The following CYBB variants were observed in gnomAD, a reference collection of about 807,000 sequenced individuals.
CYBB encodes NADPH oxidase 2.
A neutral mutation model predicts 46.5 loss-of-function variants in CYBB; 5 were observed. The ratio of observed to expected loss-of-function variants is 0.11; its 90% CI spans 0.06 to 0.23. CYBB has a LOEUF of 0.23. Among genes scored for constraint, CYBB ranks in the 10% least tolerant of loss-of-function variants. CYBB has a pLI of 1.00. For synonymous variants in CYBB, 183 were observed against 156.7 expected (o/e 1.17, Z -1.26); for missense variants, 307 against 428.3 (o/e 0.72, Z 2.50).
At chrX:37,794,159 G>T (rs782188619) in intron 5 of CYBB, among the ~76,000 whole-genome samples, 1 of 111,777 alleles carries the variant, frequency 8.9e-6, no homozygotes, top group Non-Finnish European at 1.9e-5. Flanking sequence ...ACTTGCTACA[G>T]CAAAAGAAAT....
Position 37,801,275 on chromosome X carries a change from G to A in CYBB, c.824G>A (p.Gly275Asp). Reference sequence around the variant, plus strand: ...TTACAGACTTGGAAATGGATAGTGGGTCCCATGTTTCTGTATCTCTGTGAG... The same window carrying A: ...TTACAGACTTGGAAATGGATAGTGGATCCCATGTTTCTGTATCTCTGTGAG... ...NPPMTWKWIV[G>D]PMFLYLCERL... The change falls in exon 8 of 13, where the codon GGT becomes GAT. Residue 275 changes from glycine (G) to aspartate (D), a missense_variant. Gly to Asp is a moderately conservative substitution (Grantham distance 94). Transcript: ENST00000378588. The A allele has an allele frequency of 8.3e-7, 1 of 1,206,677 alleles. No individual in the cohort carries two copies. Among genetic ancestry groups the A allele is most frequent in the Non-Finnish European group, 1.1e-6 (1 of 891,388 alleles).
chrX:37,787,546 G>A (rs782074956), intron 3 of CYBB, among the ~76,000 whole-genome samples: 4 of 111,874 alleles, frequency 3.6e-5, no homozygotes, highest in African/African-American at 1.3e-4. Flanking sequence ...CAAGGCTTCC[G>A]GTGACAGTAA....
chrX:37,781,229 A>G (rs1474347083), intron 1 of CYBB, among the ~76,000 whole-genome samples: 2 of 112,575 alleles, frequency 1.8e-5, no homozygotes, highest in Admixed American at 9.4e-5. Context: ...AGCTCTCGCC[A>G]CAATTTTTCC....
intron 6 of CYBB, among the ~76,000 whole-genome samples, chrX:37,796,782 T>C (rs782658324): frequency 8.9e-6 from 1 of 111,853 alleles, no homozygotes; most frequent in South Asian, 3.7e-4. Flanking sequence ...TTCTTGGGGA[T>C]AGTAATTGCA....
chrX:37,790,356 T>G (rs1316488348), intron 3 of CYBB, among the ~76,000 whole-genome samples: 1 of 111,835 alleles, frequency 8.9e-6, no homozygotes, highest in Non-Finnish European at 1.9e-5. Flanking sequence ...AGTGACTATA[T>G]TCCTGCATTT....
intron 6 of CYBB, among the ~76,000 whole-genome samples, chrX:37,796,749 T>C (rs782544897): frequency 8.9e-6 from 1 of 111,835 alleles, no homozygotes; most frequent in South Asian, 3.7e-4. Context: ...CCCCAAAATG[T>C]ATAGATTTCT....
At chrX:37,809,516 T>C (rs1556472630) in intron 11 of CYBB, 51 bp from the exon 12 acceptor site, 5 of 1,161,744 alleles carry the variant, frequency 4.3e-6, no homozygotes, top group Admixed American at 2.5e-5. Context: ...ACATTGTATG[T>C]GCTTTTACAG....
chrX:37,804,204 T>C, intron 9 of CYBB, 74 bp downstream of exon 9: 2 of 1,056,801 alleles, frequency 1.9e-6, no homozygotes, highest in Non-Finnish European at 2.6e-6. Context: ...TCTTCCTCCA[T>C]GTTTTACTAA....
At chrX:37,783,667 A>C (rs998593682) in intron 3 of CYBB, 67 bp downstream of exon 3, 6 of 695,446 alleles carry the variant, frequency 8.6e-6, no homozygotes, top group Non-Finnish European at 1.4e-5. Flanking sequence ...GCCCTTTTTT[A>C]GGTAAAAACA....
chrX:37,799,697 T>C (rs572047133), intron 7 of CYBB, among the ~76,000 whole-genome samples: 3 of 111,634 alleles, frequency 2.7e-5, no homozygotes, highest in South Asian at 3.7e-4. Context: ...CTTCCTTCTA[T>C]TGGGAGCTCT....
At chrX:37,798,434 G>A (rs1246653890) in intron 6 of CYBB, 1 of 126,556 alleles carries the variant, frequency 7.9e-6, no homozygotes, top group Non-Finnish European at 1.7e-5. Flanking sequence ...CCACAAATAA[G>A]GCACTTCTTG....
chrX:37,783,316 A>G (rs1482952123), intron 2 of CYBB, among the ~76,000 whole-genome samples, 174 bp from the exon 3 acceptor site: 1 of 112,125 alleles, frequency 8.9e-6, no homozygotes, highest in Non-Finnish European at 1.9e-5. Flanking sequence ...TTCAGATGAA[A>G]ACAAAGGGTC....
chrX:37,801,626 G>GTGTGTGTGTT (rs1556469991), intron 8 of CYBB, among the ~76,000 whole-genome samples: 5 of 108,058 alleles, frequency 4.6e-5, no homozygotes, highest in African/African-American at 1.7e-4. Context: ...GTGTGTGTGT[G>GTGTGTGTGTT]TGTTTGTGTC....
Position 37,782,134 on chromosome X carries a change from G to C in CYBB, c.92G>C (p.Arg31Pro). The change falls in exon 2 of 13, where the codon CGG (arginine) becomes CCG (proline). Residue 31 changes from arginine to proline, a missense_variant. By Grantham distance (103) the Arg-to-Pro change is moderately radical. Coordinates refer to ENST00000378588, the MANE Select transcript of CYBB (RefSeq NM_000397.4). The stretch of plus-strand genomic sequence containing the variant: ...GTCTTCCTCTTTGTCTGGTATTACC[G>C]GGTTTATGATATTCCACCTAAGTTC... Reference protein sequence around the residue: ...LNVFLFVWYYRVYDIPPKFFY... With the variant: ...LNVFLFVWYYPVYDIPPKFFY... The C allele has an allele frequency of 8.3e-7, 1 of 1,208,498 alleles. No individual in the cohort carries two copies. The highest frequency in any genetic ancestry group is 2.2e-5 in the Admixed American group (1 of 45,836).
chrX:37,802,109 A>C (rs1556470205), intron 8 of CYBB, among the ~76,000 whole-genome samples: 1 of 111,703 alleles, frequency 9.0e-6, no homozygotes, highest in Non-Finnish European at 1.9e-5. Context: ...ATTTGCCAAA[A>C]CCCTACTGTG....
intron 3 of CYBB, among the ~76,000 whole-genome samples, chrX:37,785,443 G>A (rs978496027): frequency 1.2e-4 from 14 of 112,697 alleles, no homozygotes; most frequent in Middle Eastern, 9.1e-3. Context: ...AATCACAGAG[G>A]TAAAATTACA....
intron 10 of CYBB, among the ~76,000 whole-genome samples, chrX:37,805,592 G>T (rs1440529143): frequency 9.0e-6 from 1 of 111,173 alleles, no homozygotes; most frequent in Non-Finnish European, 1.9e-5. Context: ...GTCTTCACAG[G>T]CTTTATAATG....
At chrX:37,795,542 G>A in intron 5 of CYBB, among the ~76,000 whole-genome samples, 1 of 111,895 alleles carries the variant, frequency 8.9e-6, no homozygotes, top group Admixed American at 9.5e-5. Flanking sequence ...CACAGCTGAT[G>A]ATGTTCAGCA....
intron 3 of CYBB, among the ~76,000 whole-genome samples, chrX:37,785,108 A>G (rs1929034417): frequency 8.9e-6 from 1 of 112,356 alleles, no homozygotes; most frequent in African/African-American, 3.2e-5. Flanking sequence ...TGACTTAACT[A>G]TTTACAAAAT....
Sources: allele counts gnomAD v4.1 joint callset (sites outside exome capture counted in the v4.1 genomes callset), GRCh38; gene constraint gnomAD v4.1.1; transcripts MANE v1.5; gene names NCBI Gene and HGNC (gene_info 2026-07-23, HGNC 2026-07-21).